ADAR: variants seen among roughly 807,000 people sequenced by gnomAD.
ADAR encodes the protein double-stranded RNA-specific adenosine deaminase.
In ADAR, 41 loss-of-function variants were observed where a neutral mutation model predicts 113.2. The observed-to-expected ratio is 0.36, with a 90% CI of 0.28 to 0.47. The LOEUF (loss-of-function observed/expected upper bound fraction) is 0.47, where lower values mean the gene tolerates loss of function less well. Among genes scored for constraint, ADAR ranks in the 20% least tolerant of loss-of-function variants. The pLI is 1.00. For missense variants in ADAR, 1,242 were observed against 1,540.9 expected (o/e 0.81, Z 3.25); for synonymous variants, 605 against 572.6 (o/e 1.06, Z -0.81).
At chr1:154,627,914 A>AACCCCCCCCCCCCCTCC in exon 1 of ADAR, 1 of 463,324 alleles carries the variant, frequency 2.2e-6, no homozygotes, top group South Asian at 1.5e-5. Flanking sequence ...TGCGGCCGCG[A>AACCCCCCCCCCCCCTCC]CCCTCCCCCC....
At chr1:154,608,225 G>C (rs756939409), upstream of ADAR, 34 of 569,956 alleles carry the variant, frequency 6.0e-5, no homozygotes, top group Non-Finnish European at 8.5e-5. Context: ...TTCCCCTCCG[G>C]AAAGTTTGGC....
chr1:154,597,148 G>A lies in ADAR; in HGVS notation c.2054C>T (p.Thr685Ile), dbSNP rs1220106621. Residue 685 changes from threonine to isoleucine, a missense_variant, in exon 5 of 15, where the codon ACC becomes ATC. Coordinates refer to ENST00000368474, the MANE Select transcript of ADAR (RefSeq NM_001111.5). ...CTGGTTATCAGAAGCCATGGAGTTG[G>A]TCGCCTCCCCATGCAGGGCCTTCAT... ...EAMKALHGEA[T>I]NSMASDNQPE... The A allele has an allele frequency of 1.2e-6, 2 of 1,614,062 alleles. No individual in the cohort carries two copies. Among genetic ancestry groups the A allele is most frequent in the Non-Finnish European group, 1.7e-6 (2 of 1,180,048 alleles).
In ADAR at chr1:154,586,301, C is replaced by A; in HGVS notation, c.3082G>T (p.Gly1028Trp). The A allele has an allele frequency of 6.2e-7, 1 of 1,614,184 alleles. No homozygotes were observed. The highest frequency in any genetic ancestry group is 8.5e-7 in the Non-Finnish European group (1 of 1,180,038). ...IVPTWDGIRL[G>W]ERLRTMSCSD... The stretch of plus-strand genomic sequence containing the variant: ...CAGGACATGGTACGGAGTCTCTCCC[C>A]GAGCCGAATGCCATCCCACGTAGGC... Residue 1028 changes from glycine to tryptophan, a missense_variant, in exon 12 of 15, where the codon GGG (glycine) becomes TGG (tryptophan). Gly to Trp is a radical substitution (Grantham distance 184, BLOSUM62 -2). This residue lies in a region of ADAR where 780 missense variants were observed against 1,057.9 expected (regional missense o/e 0.74). Transcript: ENST00000368474.
rs916828871 is a variant in ADAR, at chr1:154,601,083, T to G, written c.1559A>C (p.Glu520Ala). ...TCCACTCTGCTCTATCATGTTGAAC[T>G]CACAGGTTTGACTAGCGAACTGGGC... is the stretch of plus-strand genomic sequence containing the variant. ...EYAQFASQTC[E>A]FNMIEQSGPP... The change falls in exon 2 of 15, where the codon GAG becomes GCG. Residue 520 changes from glutamate (E) to alanine (A), a missense_variant. Physicochemically the swap from Glu to Ala is moderately radical, Grantham distance 107 (BLOSUM62 -1). Transcript: ENST00000368474. The surrounding 1 kb of genome is among the most constrained non-coding windows in gnomAD (Gnocchi z 4.7). The G allele has an allele frequency of 3.1e-6, 5 of 1,614,074 alleles. No individual in the cohort carries two copies. The African/African-American group carries it at 6.7e-5, about 22-fold the overall frequency.
At chr1:154,626,125 T>G (rs72698195) in intron 1 of ADAR, among the ~76,000 whole-genome samples, 17 of 95,710 alleles carry the variant, frequency 1.8e-4, no homozygotes, top group South Asian at 1.4e-3. Context: ...AAAGTGAGTT[T>G]TTTTTTTTTT....
chr1:154,598,282 A>G, intron 3 of ADAR, 120 bp downstream of exon 3: 1 of 1,109,050 alleles, frequency 9.0e-7, no homozygotes, highest in Non-Finnish European at 1.4e-6. Flanking sequence ...TAGAGGGAAG[A>G]GTGGGAAGCT....
intron 1 of ADAR, among the ~76,000 whole-genome samples, chr1:154,603,772 G>A (rs769063075): frequency 1.3e-5 from 2 of 152,024 alleles, no homozygotes; most frequent in Non-Finnish European, 2.9e-5. Context: ...AGACTGGGAG[G>A]AGGGATTCTG....
At chr1:154,604,583 T>C (rs1209871214) in intron 1 of ADAR, among the ~76,000 whole-genome samples, 1 of 152,250 alleles carries the variant, frequency 6.6e-6, no homozygotes, top group Non-Finnish European at 1.5e-5. Flanking sequence ...CATGCCTTAG[T>C]TCACTGTGGA....
intron 1 of ADAR, among the ~76,000 whole-genome samples, chr1:154,616,881 C>T (rs1698649353): frequency 6.6e-6 from 1 of 152,226 alleles, no homozygotes; most frequent in East Asian, 1.9e-4. Flanking sequence ...TGGCTTATGT[C>T]TTCCTGACCT....
At chr1:154,602,738 A>G (rs1057362624) in intron 1 of ADAR, 112 bp from the exon 2 acceptor site, 1 of 1,357,080 alleles carries the variant, frequency 7.4e-7, no homozygotes, top group Non-Finnish European at 1.0e-6. Context: ...TGAGAAGGCA[A>G]TTGAGCCATG....
At chr1:154,590,155 A>T in intron 7 of ADAR, 29 bp downstream of exon 7, 1 of 941,998 alleles carries the variant, frequency 1.1e-6, no homozygotes, top group Non-Finnish European at 1.6e-6. Flanking sequence ...CCCCGCCCCA[A>T]AAAAGGCACC....
Position 154,589,434 on chromosome 1 carries a change from G to A in ADAR, c.2697C>T (p.Leu899=). ...TGNRCVKGDS[L]SLKGETVNDC... is the part of the protein sequence containing the mutation. ...CATTGACAGTTTCTCCTTTTAGGCT[G>A]AGAGAATCTCCTTTCACACAGCGAT... The change falls in exon 9 of 15, where the codon CTC becomes CTT. Residue 899 remains leucine (L), a synonymous_variant. Transcript: ENST00000368474. 6.2e-7 allele frequency: 1 copy of A among 1,614,042 alleles called. No homozygotes were observed. Among genetic ancestry groups the A allele is most frequent in the South Asian group, 1.1e-5 (1 of 91,076 alleles).
chr1:154,603,307 T>G (rs1435660686), intron 1 of ADAR, among the ~76,000 whole-genome samples: 1 of 152,218 alleles, frequency 6.6e-6, no homozygotes, highest in Non-Finnish European at 1.5e-5. Flanking sequence ...GGCTCTTCAC[T>G]GCCATCCCAG....
chr1:154,600,023 A>G (rs1697759410), intron 2 of ADAR, among the ~76,000 whole-genome samples: 1 of 152,068 alleles, frequency 6.6e-6, no homozygotes, highest in African/African-American at 2.4e-5. Flanking sequence ...GCCTGCCCCA[A>G]CCCACCTGCT....
intron 1 of ADAR, among the ~76,000 whole-genome samples, chr1:154,619,755 A>T (rs770612508): frequency 2.7e-4 from 41 of 152,234 alleles, no homozygotes; most frequent in Non-Finnish European, 5.4e-4. Flanking sequence ...ATGCCGCTTC[A>T]CAGCTACAGA....
intron 4 of ADAR, among the ~76,000 whole-genome samples, 195 bp downstream of exon 4, chr1:154,597,633 C>T (rs1697586601): frequency 6.6e-6 from 1 of 152,156 alleles, no homozygotes. Context: ...GAGGGTGGGC[C>T]AGGAATTCCC....
At chr1:154,598,261 G>T in intron 3 of ADAR, 141 bp downstream of exon 3, 1 of 943,472 alleles carries the variant, frequency 1.1e-6, no homozygotes, top group Non-Finnish European at 1.7e-6. Context: ...AGGTGGGCTG[G>T]CGAGATAGGG....
chr1:154,590,332 T>TC lies in ADAR; in HGVS notation c.2347dup (p.Glu783GlyfsTer60). 6.2e-7 allele frequency: 1 copy of TC among 1,614,108 alleles called. No individual in the cohort carries two copies. Among genetic ancestry groups the TC allele is most frequent in the Non-Finnish European group, 8.5e-7 (1 of 1,180,028 alleles). ...GACACGGAGAGCCGCATCTGCTGCT[T>TC]CCTGCTTGCCTTGCTTCTTGCTGTG... On this transcript the variant is annotated frameshift_variant, in exon 7 of 15. Coordinates refer to ENST00000368474, the MANE Select transcript of ADAR (RefSeq NM_001111.5). LOFTEE classifies it high-confidence loss of function.
chr1:154,602,161 G>A lies in ADAR; in HGVS notation c.481C>T (p.Leu161=), dbSNP rs1170430710. 3 of 1,614,228 alleles carry A rather than the reference G, an allele frequency of 1.9e-6. No homozygotes were observed. Among genetic ancestry groups the A allele is most frequent in the Non-Finnish European group, 2.5e-6 (3 of 1,180,038 alleles). Residue 161 remains leucine (L), a synonymous_variant, in exon 2 of 15, where the codon CTG becomes TTG. Transcript: ENST00000368474. ...GEGKATTAHD[L]SGKLGTPKKE... ...TTCGGAGTCCCAAGTTTCCCAGACA[G>A]ATCATGTGCTGTGGTGGCCTTCCCT...
Sources: allele counts gnomAD v4.1 joint callset (sites outside exome capture counted in the v4.1 genomes callset), GRCh38; gene constraint gnomAD v4.1.1; regional missense constraint gnomAD v4.1.1; non-coding constraint Gnocchi (gnomAD v3.1); transcripts MANE v1.5; gene names NCBI Gene and HGNC (gene_info 2026-07-23, HGNC 2026-07-21).